Variants in RARG observed in about 807,000 individuals in gnomAD.
RARG encodes the protein retinoic acid receptor gamma.
RARG carries 17 observed loss-of-function variants against 43.7 expected under a neutral mutation model. The ratio of observed to expected loss-of-function variants is 0.39; its 90% confidence interval spans 0.27 to 0.58. The LOEUF (loss-of-function observed/expected upper bound fraction) is 0.58, where lower values mean the gene tolerates loss of function less well. RARG is among the 20% of genes least tolerant of loss of function. RARG has a pLI of 0.57. For missense variants in RARG, 346 were observed against 598.7 expected (o/e 0.58, Z 4.40); for synonymous variants, 238 against 236.4 (o/e 1.01, Z -0.06).
At position 53,232,112 on chromosome 12, in the gene RARG, C is replaced by G. The variant is rs1174201288; in HGVS notation, c.-348G>C. 2 of 398,640 alleles carry G rather than the reference C, an allele frequency of 5.0e-6. No individual in the cohort carries two copies. Among genetic ancestry groups the G allele is most frequent in the Non-Finnish European group, 8.8e-6 (2 of 226,082 alleles). The allele number at this position is 398,640 out of a possible 1,614,324, so 24.7% of individuals were successfully genotyped here. A position where few individuals can be genotyped will look rare whatever the true frequency, so the allele number is the denominator to read the frequency against. On this transcript the variant is annotated 5_prime_UTR_variant, in exon 1 of 10. Transcript: ENST00000425354. Reference sequence around the variant, plus strand: ...GGGCACGGCTCTAGGCTGGGACTGTCCCGGGGCCTCTCGGAGCCCGCCCGC... The same window carrying G: ...GGGCACGGCTCTAGGCTGGGACTGTGCCGGGGCCTCTCGGAGCCCGCCCGC...
At position 53,215,959 on chromosome 12, in the gene RARG, T is replaced by G. The variant is rs895524380; in HGVS notation, c.185-165A>C. On this transcript the variant is annotated intron_variant, in intron 3 of 9. Coordinates refer to ENST00000425354, the MANE Select transcript of RARG (RefSeq NM_000966.6). The surrounding 1 kb of genome is among the most constrained non-coding windows in gnomAD (Gnocchi z 6.4). ...GCAGTAAGCACTGTCAGAATCCTCT[T>G]AATGACCACTATTACCACAGCTTGT... Among the ~76,000 whole-genome samples, 20 of 152,210 alleles carry G rather than the reference T, an allele frequency of 1.3e-4. No individual in the cohort carries two copies. Among genetic ancestry groups the G allele is most frequent in the African/African-American group, 4.8e-4 (20 of 41,448 alleles).
intron 3 of RARG, among the ~76,000 whole-genome samples, chr12:53,219,472 A>G (rs536824887): frequency 1.5e-4 from 23 of 152,334 alleles, no homozygotes; most frequent in African/African-American, 5.1e-4. Flanking sequence ...TGGACCTGGC[A>G]GCTGTCGCAG....
chr12:53,213,960 AG>A lies in RARG; in HGVS notation c.813+98del. On this transcript the variant is annotated intron_variant, in intron 7 of 9. Transcript: ENST00000425354. The surrounding 1 kb of genome is among the most constrained non-coding windows in gnomAD (Gnocchi z 4.7). ...AGCTGAGGAGTCCCACATGTGTGGC[AG>A]GGGGTGCAGGGTAAGGAAATCTTTG... 2 of 1,362,368 alleles carry A rather than the reference AG, an allele frequency of 1.5e-6. No individual in the cohort carries two copies. The highest frequency in any genetic ancestry group is 2.0e-6 in the Non-Finnish European group (2 of 986,108). The allele number at this position is 1,362,368 out of a possible 1,614,324, so 84.4% of individuals were successfully genotyped here. A position where few individuals can be genotyped will look rare whatever the true frequency, so the allele number is the denominator to read the frequency against.
At chr12:53,220,220 G>A (rs753204736) in intron 3 of RARG, 9 of 1,537,582 alleles carry the variant, frequency 5.9e-6, no homozygotes, top group Middle Eastern at 2.0e-4. Context: ...CTAGCATAGG[G>A]CGCTGGGCTG....
intron 3 of RARG, among the ~76,000 whole-genome samples, chr12:53,222,668 T>C (rs537102900): frequency 6.6e-6 from 1 of 152,230 alleles, no homozygotes; most frequent in Admixed American, 6.5e-5. Context: ...TCCCAGGCAT[T>C]GCATGGAGGG....
chr12:53,225,910 G>C (rs1331574771), intron 3 of RARG, among the ~76,000 whole-genome samples: 1 of 152,220 alleles, frequency 6.6e-6, no homozygotes, highest in Non-Finnish European at 1.5e-5. Flanking sequence ...GCAGGGAGAG[G>C]AGGAGCCCAG....
intron 3 of RARG, chr12:53,220,445 C>G: frequency 1.2e-6 from 1 of 823,772 alleles, no homozygotes; most frequent in South Asian, 2.5e-5. Flanking sequence ...CCGAGATGAG[C>G]AAAGCTGAGA....
Position 53,213,986 on chromosome 12 carries a change from G to C in RARG, c.813+73C>G, listed in dbSNP as rs1334357864. 4.0e-6 allele frequency: 6 copies of C among 1,493,566 alleles called. No individual in the cohort carries two copies. The highest frequency in any genetic ancestry group is 5.5e-6 in the Non-Finnish European group (6 of 1,094,808). 92.5% of individuals were successfully genotyped at this position (1,493,566 alleles called of 1,614,324 possible). On this transcript the variant is annotated intron_variant, in intron 7 of 9. Transcript: ENST00000425354. This position sits in a 1 kb window ranked among gnomAD's most constrained non-coding sequence, Gnocchi z 4.7. ...GGGGGTGCAGGGTAAGGAAATCTTT[G>C]CATGGATCAAGGAATTGTTGAGGGT...
rs991334915 is a variant in RARG, at chr12:53,213,912, G to A, written c.813+147C>T. ...CAAAAGTCTAGGATCAGGTCATAGG[G>A]GCAGAGGCTAAGACGAAAAGAGAGC... On this transcript the variant is annotated intron_variant, in intron 7 of 9. Transcript: ENST00000425354. This position sits in a 1 kb window ranked among gnomAD's most constrained non-coding sequence, Gnocchi z 4.7. The A allele has an allele frequency of 3.6e-5, 41 of 1,133,792 alleles. No individual in the cohort carries two copies. In the African/African-American group the frequency reaches 5.3e-4, roughly 15 times the overall value. 70.2% of individuals were successfully genotyped at this position (1,133,792 alleles called of 1,614,324 possible).
In RARG at chr12:53,211,666, G is replaced by C; in HGVS notation, c.*10C>G. The stretch of plus-strand genomic sequence containing the variant: ...CCCAACCCCCACAGCGGGGAGGTCA[G>C]GGGCCCTGGTCAGGCTGGGGACTTC... On this transcript the variant is annotated 3_prime_UTR_variant, in exon 10 of 10. Coordinates refer to ENST00000425354, the MANE Select transcript of RARG (RefSeq NM_000966.6). This position sits in a 1 kb window ranked among gnomAD's most constrained non-coding sequence, Gnocchi z 4.6. 6.8e-7 allele frequency: 1 copy of C among 1,471,236 alleles called. No individual in the cohort carries two copies. Among genetic ancestry groups the C allele is most frequent in the East Asian group, 2.7e-5 (1 of 37,484 alleles). The allele number at this position is 1,471,236 out of a possible 1,614,324, so 91.1% of individuals were successfully genotyped here.
intron 3 of RARG, among the ~76,000 whole-genome samples, chr12:53,222,242 AAGAAAG>A (rs1383397599): frequency 6.7e-6 from 1 of 150,068 alleles, no homozygotes; most frequent in Non-Finnish European, 1.5e-5. Context: ...AGAGAAAGAA[AAGAAAG>A]AGAAAGAAAG....
chr12:53,228,103 G>C (rs772994470), intron 2 of RARG, among the ~76,000 whole-genome samples: 4 of 152,206 alleles, frequency 2.6e-5, no homozygotes, highest in African/African-American at 9.7e-5. Context: ...GGCTGCAAGT[G>C]GGGGAGCCCA....
chr12:53,214,853 G>A (rs1942714438), intron 5 of RARG: 1 of 472,192 alleles, frequency 2.1e-6, no homozygotes, highest in African/African-American at 1.9e-5. Context: ...TGTCCTTCCT[G>A]TCACCCTGCA....
At chr12:53,224,187 G>A (rs1420771626) in intron 3 of RARG, among the ~76,000 whole-genome samples, 1 of 151,936 alleles carries the variant, frequency 6.6e-6, no homozygotes, top group Non-Finnish European at 1.5e-5. Flanking sequence ...AGCAGCACGT[G>A]CTCCCTGAGC....
chr12:53,213,853 G>T lies in RARG; in HGVS notation c.814-153C>A. On this transcript the variant is annotated intron_variant, in intron 7 of 9. Coordinates refer to ENST00000425354, the MANE Select transcript of RARG (RefSeq NM_000966.6). The surrounding 1 kb of genome is among the most constrained non-coding windows in gnomAD (Gnocchi z 4.7). ...GTGGAGGATCTGAGGCTTGGCAGGG[G>T]TAGTCCCGGGAAGTCAGGAGGAGAC... 1 of 1,089,750 alleles carries T rather than the reference G, an allele frequency of 9.2e-7. No individual in the cohort carries two copies. Among genetic ancestry groups the T allele is most frequent in the Admixed American group, 2.3e-5 (1 of 44,230 alleles). 67.5% of individuals were successfully genotyped at this position (1,089,750 alleles called of 1,614,324 possible). A position where few individuals can be genotyped will look rare whatever the true frequency, so the allele number is the denominator to read the frequency against.
chr12:53,217,114 C>T lies in RARG; in HGVS notation c.185-1320G>A, dbSNP rs528119485. On this transcript the variant is annotated intron_variant, in intron 3 of 9. Coordinates refer to ENST00000425354, the MANE Select transcript of RARG (RefSeq NM_000966.6). ...ATGCCAGGGTTCCACGCTAGCTCCACCCACCCCACAGGAGGGAAGCCCTAC... is the reference window on the plus strand; with the variant it reads ...ATGCCAGGGTTCCACGCTAGCTCCATCCACCCCACAGGAGGGAAGCCCTAC... Among the ~76,000 whole-genome samples, 121 of 152,164 alleles carry T rather than the reference C, an allele frequency of 8.0e-4. 1 individual carries two copies. Among genetic ancestry groups the T allele is most frequent in the African/African-American group, 2.9e-3 (121 of 41,518 alleles).
intron 2 of RARG, among the ~76,000 whole-genome samples, chr12:53,228,392 G>A (rs1943157468): frequency 6.6e-6 from 1 of 152,210 alleles, no homozygotes; most frequent in Non-Finnish European, 1.5e-5. Context: ...AATGTCAAGT[G>A]TCTGGCATAA....
chr12:53,230,108 T>C (rs1475171300), intron 2 of RARG: 3 of 436,792 alleles, frequency 6.9e-6, no homozygotes, highest in Non-Finnish European at 9.1e-6. Flanking sequence ...GACTAAGGAA[T>C]TGAAGGCAGT....
At chr12:53,217,169 C>A (rs764251631) in intron 3 of RARG, among the ~76,000 whole-genome samples, 1 of 152,000 alleles carries the variant, frequency 6.6e-6, no homozygotes, top group Non-Finnish European at 1.5e-5. Context: ...AATCAATTAG[C>A]ATAAGAATCC....
Sources: gnomAD v4.1 joint callset for allele counts (sites outside exome capture counted in the v4.1 genomes callset) on GRCh38, gnomAD v4.1.1 for gene constraint, Gnocchi (gnomAD v3.1) non-coding constraint, MANE v1.5 for transcripts, NCBI Gene and HGNC (gene_info 2026-07-23, HGNC 2026-07-21) for gene names.